The following TSTD2 variants were observed in gnomAD, a reference collection of about 807,000 sequenced individuals.
TSTD2 encodes thiosulfate sulfurtransferase like domain containing 2, also known as thiosulfate sulfurtransferase/rhodanese-like domain-containing protein 2.
TSTD2 carries 37 observed loss-of-function variants against 47.9 expected under a neutral mutation model. The ratio of observed to expected loss-of-function variants is 0.77; its 90% CI spans 0.59 to 1.02. The LOEUF (loss-of-function observed/expected upper bound fraction) is 1.02. Among genes scored for constraint, TSTD2 ranks in the 50% least tolerant of loss-of-function variants. TSTD2 has a pLI of 0.00. For synonymous variants in TSTD2, 201 were observed against 215.9 expected (o/e 0.93, Z 0.61); for missense variants, 586 against 616.0 (o/e 0.95, Z 0.52).
chr9:97,607,056 C>T (rs1175121837), intron 6 of TSTD2, among the ~76,000 whole-genome samples: 1 of 152,130 alleles, frequency 6.6e-6, no homozygotes, highest in East Asian at 1.9e-4. Context: ...GTCTCAGCTA[C>T]TTTGGAGGCT....
intron 6 of TSTD2, among the ~76,000 whole-genome samples, chr9:97,608,177 C>T (rs1214757697): frequency 6.6e-6 from 1 of 151,914 alleles, no homozygotes; most frequent in Non-Finnish European, 1.5e-5. Context: ...AGTGAGACTC[C>T]ATCTCAAACA....
At chr9:97,610,550 A>G in intron 5 of TSTD2, 99 bp from the exon 6 acceptor site, 1 of 868,198 alleles carries the variant, frequency 1.2e-6, no homozygotes. Context: ...TTGTAATAAC[A>G]ATAGCTGAAG....
Position 97,627,416 on chromosome 9 carries a change from G to C in TSTD2, c.147C>G (p.Tyr49Ter). 1 of 1,601,368 alleles carries C rather than the reference G, an allele frequency of 6.2e-7. No homozygotes were observed. The highest frequency in any genetic ancestry group is 8.5e-7 in the Non-Finnish European group (1 of 1,171,966). Residue 49 changes from tyrosine to a stop codon, truncating the protein, a stop_gained, in exon 2 of 10, where the codon TAC becomes TAG. Transcript: ENST00000341170. LOFTEE classifies it high-confidence loss of function. ...AELDGSTKKKYSFAKKKAFAL... is the reference protein window; with the variant it reads ...AELDGSTKKK ...ATTCTACCTTTTTCTTTGCAAACGA[G>C]TATTTCTTTTTTGTACTGCCATCTA...
chr9:97,600,568 T>G lies in TSTD2; in HGVS notation c.*1901A>C. 1 of 986,372 alleles carries G rather than the reference T, an allele frequency of 1.0e-6. No individual in the cohort carries two copies. Among genetic ancestry groups the G allele is most frequent in the Non-Finnish European group, 1.2e-6 (1 of 830,652 alleles). 61.1% of individuals were successfully genotyped at this position (986,372 alleles called of 1,614,324 possible). ...AAATGGCTTATGTGAGGTAAGACAC[T>G]AGAGGGATAAATTTCCAGATCAACA... On this transcript the variant is annotated 3_prime_UTR_variant, in exon 10 of 10. Transcript: ENST00000341170.
chr9:97,612,117 G>C lies in TSTD2; in HGVS notation c.604-418C>G, dbSNP rs150376194. ...TATAAGTGAAAATATGTAGTATTTG[G>C]TTTTCTCTTCCTGCGTTAGTTTGCT... On this transcript the variant is annotated intron_variant, in intron 4 of 9. Coordinates refer to ENST00000341170, the MANE Select transcript of TSTD2 (RefSeq NM_139246.5). 1.4e-3 allele frequency among the ~76,000 whole-genome samples: 215 copies of C among 152,246 alleles called. 1 individual carries two copies. In the East Asian group the frequency reaches 0.023, roughly 16 times the overall value.
chr9:97,604,283 T>C (rs1479372079), intron 9 of TSTD2: 1 of 154,854 alleles, frequency 6.5e-6, no homozygotes. Context: ...AACTGGTACT[T>C]TGTTGCCTAC....
chr9:97,627,292 T>C, intron 2 of TSTD2, 106 bp downstream of exon 2: 1 of 1,462,958 alleles, frequency 6.8e-7, no homozygotes. Context: ...TTAATGTTCC[T>C]GACTAGACTT....
chr9:97,630,741 G>A (rs901403058), intron 1 of TSTD2, among the ~76,000 whole-genome samples: 1 of 152,162 alleles, frequency 6.6e-6, no homozygotes, highest in Non-Finnish European at 1.5e-5. Context: ...TGAAGTTGAT[G>A]ATGAGTACAT....
intron 4 of TSTD2, among the ~76,000 whole-genome samples, chr9:97,614,670 T>C (rs1234611008): frequency 1.3e-5 from 2 of 152,150 alleles, no homozygotes; most frequent in African/African-American, 4.8e-5. Flanking sequence ...GGAAGAGCAC[T>C]CTAGAGAGGA....
At chr9:97,624,264 A>G (rs995391588) in intron 3 of TSTD2, among the ~76,000 whole-genome samples, 4 of 152,196 alleles carry the variant, frequency 2.6e-5, no homozygotes, top group Admixed American at 2.0e-4. Flanking sequence ...TCTGTCTTGA[A>G]GTGTCTCTGT....
chr9:97,632,002 G>C (rs1826828317), intron 1 of TSTD2, among the ~76,000 whole-genome samples: 1 of 152,174 alleles, frequency 6.6e-6, no homozygotes, highest in South Asian at 2.1e-4. Flanking sequence ...TGAATGGGTC[G>C]TTAGAATATA....
chr9:97,619,874 C>T (rs1296356347), intron 3 of TSTD2, among the ~76,000 whole-genome samples: 1 of 152,138 alleles, frequency 6.6e-6, no homozygotes, highest in Non-Finnish European at 1.5e-5. Context: ...AACTGTATTT[C>T]TATTTACCAA....
intron 3 of TSTD2, among the ~76,000 whole-genome samples, chr9:97,620,575 C>G (rs1219134159): frequency 6.6e-6 from 1 of 152,158 alleles, no homozygotes; most frequent in East Asian, 1.9e-4. Flanking sequence ...TTGGAACTCC[C>G]TAGAGACTTG....
At chr9:97,627,273 C>T (rs926528992) in intron 2 of TSTD2, 125 bp downstream of exon 2, 28 of 1,414,878 alleles carry the variant, frequency 2.0e-5, no homozygotes, top group African/African-American at 5.7e-5. Flanking sequence ...ATGGAATTAA[C>T]ATCACTGGTT....
chr9:97,610,159 T>G (rs1209043073), intron 6 of TSTD2, 187 bp downstream of exon 6: 10 of 453,888 alleles, frequency 2.2e-5, no homozygotes, highest in Non-Finnish European at 4.0e-6. Flanking sequence ...CTCGAAGAGG[T>G]GAGTCTTCAA....
chr9:97,615,860 A>G (rs1826534627), intron 4 of TSTD2, among the ~76,000 whole-genome samples: 1 of 152,132 alleles, frequency 6.6e-6, no homozygotes, highest in Admixed American at 6.5e-5. Flanking sequence ...AGTATTAAAT[A>G]TTATTTATTT....
At chr9:97,606,651 C>G (rs753917666) in intron 6 of TSTD2, among the ~76,000 whole-genome samples, 3 of 152,308 alleles carry the variant, frequency 2.0e-5, no homozygotes, top group Non-Finnish European at 2.9e-5. Flanking sequence ...GGCCACTGCT[C>G]TATTGTCACT....
chr9:97,601,408 G>A lies in TSTD2; in HGVS notation c.*1061C>T, dbSNP rs1826256339. The A allele has an allele frequency of 1.9e-6, 2 of 1,037,020 alleles. No homozygotes were observed. The highest frequency in any genetic ancestry group is 2.3e-6 in the Non-Finnish European group (2 of 859,652). 64.2% of individuals were successfully genotyped at this position (1,037,020 alleles called of 1,614,324 possible). On this transcript the variant is annotated 3_prime_UTR_variant, in exon 10 of 10. Coordinates refer to ENST00000341170, the MANE Select transcript of TSTD2 (RefSeq NM_139246.5). ...CTGATCTAAAAACTGTGGCTCAAAT[G>A]TCACCGAGCTTATATGAAGCTCCCA...
At chr9:97,607,874 G>C (rs971083493) in intron 6 of TSTD2, among the ~76,000 whole-genome samples, 2 of 151,804 alleles carry the variant, frequency 1.3e-5, no homozygotes, top group African/African-American at 4.8e-5. Context: ...GCAACAGAGT[G>C]AGACTCCGTC....
Sources: gnomAD v4.1 joint callset for allele counts (sites outside exome capture counted in the v4.1 genomes callset) on GRCh38, gnomAD v4.1.1 for gene constraint, MANE v1.5 for transcripts, NCBI Gene and HGNC (gene_info 2026-07-23, HGNC 2026-07-21) for gene names.